The following NWD1 variants were observed in gnomAD, a reference collection of about 807,000 sequenced individuals.
NWD1 encodes the protein NACHT and WD repeat domain containing 1, also known as NACHT domain- and WD repeat-containing protein 1.
Under a neutral mutation model 135.1 loss-of-function variants are expected in NWD1, and 129 were observed. The ratio of observed to expected loss-of-function variants is 0.96; its 90% CI spans 0.83 to 1.11. NWD1 has a LOEUF of 1.11. NWD1 is among the 50% of genes least tolerant of loss of function. The probability of loss-of-function intolerance (pLI) is 0.00; values close to 1 mark genes in which losing one functional copy is unlikely to be tolerated. For missense variants in NWD1, 1,740 were observed against 1,851.3 expected, an observed-to-expected ratio of 0.94 and a Z score of 1.10; for synonymous variants, 773 against 786.0, an observed-to-expected ratio of 0.98 and a Z score of 0.28.
intron 9 of NWD1, among the ~76,000 whole-genome samples, 157 bp downstream of exon 9, chr19:16,764,102 C>G (rs1055718180): frequency 6.6e-6 from 1 of 152,140 alleles, no homozygotes; most frequent in Non-Finnish European, 1.5e-5. Context: ...CAGGGGATGC[C>G]TTACAGTGTC....
intron 3 of NWD1, among the ~76,000 whole-genome samples, chr19:16,736,234 T>TTCCTTCCTTCCTTCCTTCCTTCCTTC (rs1477114202): frequency 1.7e-4 from 25 of 150,494 alleles, no homozygotes; most frequent in South Asian, 4.2e-4. Flanking sequence ...CCTACCTTCC[T>TTCCTTCCTTCCTTCCTTCCTTCCTTC]CTCTCTCTTT....
At chr19:16,805,093 C>G (rs1695169109) in intron 17 of NWD1, among the ~76,000 whole-genome samples, 1 of 151,878 alleles carries the variant, frequency 6.6e-6, no homozygotes, top group Admixed American at 6.6e-5. Context: ...GAGTCTCGCT[C>G]TGTCACCCAG....
chr19:16,727,963 G>A (rs1967395812), intron 2 of NWD1, among the ~76,000 whole-genome samples: 1 of 152,108 alleles, frequency 6.6e-6, no homozygotes, highest in Non-Finnish European at 1.5e-5. Flanking sequence ...TTGAGAGGCT[G>A]AGGCAGGAGA....
intron 4 of NWD1, among the ~76,000 whole-genome samples, chr19:16,742,036 A>T (rs1599446044): frequency 6.6e-6 from 1 of 151,746 alleles, no homozygotes; most frequent in Non-Finnish European, 1.5e-5. Context: ...CTGAGATTGT[A>T]CCACTGCACG....
intron 12 of NWD1, among the ~76,000 whole-genome samples, chr19:16,780,404 C>T (rs534349013): frequency 2.7e-4 from 41 of 152,254 alleles, no homozygotes; most frequent in African/African-American, 9.4e-4. Flanking sequence ...GATCCACCCA[C>T]CTCGTCCTCC....
intron 15 of NWD1, among the ~76,000 whole-genome samples, chr19:16,796,970 G>T (rs568133304): frequency 6.6e-6 from 1 of 152,234 alleles, no homozygotes; most frequent in Non-Finnish European, 1.5e-5. Context: ...CTTGAGATCA[G>T]GAGTTTGAGA....
In NWD1 at chr19:16,805,810, G is replaced by T. The variant is rs2123126510; in HGVS notation, c.3737-1776G>T. 1.3e-5 allele frequency among the ~76,000 whole-genome samples: 2 copies of T among 152,126 alleles called. 1 individual carries two copies. The highest frequency in any genetic ancestry group is 4.1e-4 in the South Asian group (2 of 4,822). ...AAGTTGAGAATCAGCTTGAAAATCAGGATTCCTTTCTCCTATTATTTCATC... is the reference window on the plus strand; with the variant it reads ...AAGTTGAGAATCAGCTTGAAAATCATGATTCCTTTCTCCTATTATTTCATC... On this transcript the variant is annotated intron_variant, in intron 17 of 18. Coordinates refer to ENST00000524140, the MANE Select transcript of NWD1 (RefSeq NM_001007525.5).
chr19:16,760,354 A>T (rs1300687641), intron 7 of NWD1, among the ~76,000 whole-genome samples: 1 of 150,580 alleles, frequency 6.6e-6, no homozygotes, highest in East Asian at 2.0e-4. Flanking sequence ...AAACTCCTGG[A>T]CTCAAGCAAC....
chr19:16,725,878 A>G (rs565102651), intron 2 of NWD1, among the ~76,000 whole-genome samples: 39 of 151,540 alleles, frequency 2.6e-4, no homozygotes, highest in Non-Finnish European at 4.6e-4. Context: ...GGCTCATGCA[A>G]TCCTCCCATC....
chr19:16,731,850 G>C (rs1363302113), intron 3 of NWD1, among the ~76,000 whole-genome samples: 1 of 151,874 alleles, frequency 6.6e-6, no homozygotes, highest in African/African-American at 2.4e-5. Flanking sequence ...TGTTCTTTTT[G>C]CACCGAGCCC....
chr19:16,810,010 A>G (rs1970874759), intron 18 of NWD1, among the ~76,000 whole-genome samples: 1 of 152,110 alleles, frequency 6.6e-6, no homozygotes, highest in Non-Finnish European at 1.5e-5. Flanking sequence ...TGTAGTTGGG[A>G]AGACACAGTG....
At position 16,791,490 on chromosome 19, in the gene NWD1, G is replaced by C. The variant is rs759322511; in HGVS notation, c.3081G>C (p.Trp1027Cys). 2 of 1,614,170 alleles carry C rather than the reference G, an allele frequency of 1.2e-6. No individual in the cohort carries two copies. Among genetic ancestry groups the C allele is most frequent in the Non-Finnish European group, 1.7e-6 (2 of 1,180,044 alleles). ...TVSRDGVVSL[W>C]SSATGKLQGK... Reference sequence around the variant, plus strand: ...CCAGGGATGGTGTGGTCAGTCTGTGGAGCTCAGCTACGGGAAAACTTCAGG... The same window carrying C: ...CCAGGGATGGTGTGGTCAGTCTGTGCAGCTCAGCTACGGGAAAACTTCAGG... Residue 1027 changes from tryptophan to cysteine, a missense_variant, in exon 14 of 19, where the codon TGG becomes TGC. Transcript: ENST00000524140.
At chr19:16,812,811 T>C (rs1478006342) in intron 18 of NWD1, 1 of 781,112 alleles carries the variant, frequency 1.3e-6, no homozygotes, top group South Asian at 1.3e-5. Context: ...GTACGTGGGC[T>C]TAAAGGATCG....
At chr19:16,808,720 G>A (rs553374329) in intron 18 of NWD1, among the ~76,000 whole-genome samples, 36 of 151,892 alleles carry the variant, frequency 2.4e-4, no homozygotes, top group Middle Eastern at 6.8e-3. Flanking sequence ...TGATCCTCCC[G>A]CCTCAGCCTC....
At chr19:16,795,425 T>C (rs1452513765) in intron 15 of NWD1, among the ~76,000 whole-genome samples, 1 of 151,538 alleles carries the variant, frequency 6.6e-6, no homozygotes, top group Non-Finnish European at 1.5e-5. Flanking sequence ...CTTTTTTTTT[T>C]TTTTTTTTTG....
chr19:16,741,976 T>G (rs1251099442), intron 4 of NWD1, among the ~76,000 whole-genome samples: 1 of 151,670 alleles, frequency 6.6e-6, no homozygotes, highest in Non-Finnish European at 1.5e-5. Flanking sequence ...CCGGGTGTGG[T>G]GGTGGGCGCC....
chr19:16,741,207 C>T (rs1223489381), intron 4 of NWD1, among the ~76,000 whole-genome samples: 1 of 152,080 alleles, frequency 6.6e-6, no homozygotes, highest in Non-Finnish European at 1.5e-5. Flanking sequence ...CTTCGCTGTC[C>T]CTCTTCTTGC....
At chr19:16,742,827 T>C (rs1189118856) in intron 4 of NWD1, among the ~76,000 whole-genome samples, 2 of 151,016 alleles carry the variant, frequency 1.3e-5, no homozygotes. Flanking sequence ...TGTGCCACCA[T>C]GCCTGGCTAT....
intron 11 of NWD1, among the ~76,000 whole-genome samples, chr19:16,778,001 G>A (rs1771698875): frequency 7.1e-6 from 1 of 140,030 alleles, no homozygotes; most frequent in South Asian, 2.5e-4. Flanking sequence ...GGGAGGGAAG[G>A]GAAAGGGAAG....
Sources: allele counts gnomAD v4.1 joint callset (sites outside exome capture counted in the v4.1 genomes callset), GRCh38; gene constraint gnomAD v4.1.1; transcripts MANE v1.5; gene names NCBI Gene and HGNC (gene_info 2026-07-23, HGNC 2026-07-21).